Variants in HYDIN observed in about 807,000 individuals in gnomAD.
HYDIN encodes the protein axonemal central pair apparatus protein HYDIN.
A neutral mutation model predicts 403.9 loss-of-function variants in HYDIN; 132 were observed. The observed-to-expected ratio is 0.33, with a 90% CI of 0.28 to 0.38. HYDIN has a LOEUF of 0.38. Ranked by LOEUF, HYDIN falls within the 10% of genes least tolerant of loss-of-function variation. The pLI, the probability that HYDIN is intolerant of heterozygous loss-of-function variation, is 1.00. For synonymous variants in HYDIN, 1,202 were observed against 1,891.7 expected (o/e 0.64, Z 9.46); for missense variants, 2,827 against 5,009.5 (o/e 0.56, Z 13.15).
intron 41 of HYDIN, among the ~76,000 whole-genome samples, chr16:70,946,940 C>T (rs1332925508): frequency 6.6e-6 from 1 of 152,138 alleles, no homozygotes; most frequent in South Asian, 2.1e-4. Flanking sequence ...AGATTTTGGG[C>T]TGAGACAATG....
intron 1 of HYDIN, among the ~76,000 whole-genome samples, chr16:71,222,955 C>T (rs909729878): frequency 2.0e-5 from 3 of 152,106 alleles, no homozygotes; most frequent in African/African-American, 7.2e-5. Context: ...TCATTCTTCA[C>T]AGAACTACAA....
Position 70,943,220 on chromosome 16 carries a change from T to C in HYDIN, c.6669+592A>G, listed in dbSNP as rs372791980. Among the ~76,000 whole-genome samples, 6 of 152,182 alleles carry C rather than the reference T, an allele frequency of 3.9e-5. No individual in the cohort carries two copies. The South Asian group carries it at 6.2e-4, about 16-fold the overall frequency. On this transcript the variant is annotated intron_variant, in intron 42 of 85. Coordinates refer to ENST00000393567, the MANE Select transcript of HYDIN (RefSeq NM_001270974.2). ...CTTGTCTTTAACTGTAGAATTCTTATGGAAAAAAAATTAAAAATTAGAAAG... is the reference window on the plus strand; with the variant it reads ...CTTGTCTTTAACTGTAGAATTCTTACGGAAAAAAAATTAAAAATTAGAAAG...
At chr16:71,206,672 G>A (rs1291912429) in intron 1 of HYDIN, among the ~76,000 whole-genome samples, 1 of 152,224 alleles carries the variant, frequency 6.6e-6, no homozygotes, top group South Asian at 2.1e-4. Flanking sequence ...AGGAAGCTAA[G>A]AATCATAATA....
intron 41 of HYDIN, among the ~76,000 whole-genome samples, chr16:70,946,860 T>C (rs2077879902): frequency 6.6e-6 from 1 of 152,206 alleles, no homozygotes; most frequent in South Asian, 2.1e-4. Context: ...ATTCAAAAGA[T>C]CAGGATTGTG....
chr16:71,170,552 G>A (rs1392283789), intron 5 of HYDIN, among the ~76,000 whole-genome samples: 1 of 152,088 alleles, frequency 6.6e-6, no homozygotes, highest in Non-Finnish European at 1.5e-5. Flanking sequence ...AACCTTGTCT[G>A]GATCTTGATT....
intron 10 of HYDIN, among the ~76,000 whole-genome samples, chr16:71,098,302 C>T (rs1339550837): frequency 2.0e-5 from 3 of 150,920 alleles, no homozygotes; most frequent in Admixed American, 6.6e-5. Context: ...CCCAGGTTCA[C>T]GCCATTCTCC....
chr16:71,015,511 T>C (rs1439190957), intron 23 of HYDIN, among the ~76,000 whole-genome samples: 1 of 124,350 alleles, frequency 8.0e-6, no homozygotes, highest in African/African-American at 3.4e-5. Context: ...TTAGGTCGGG[T>C]TGGCTGATTT....
At chr16:70,811,011 C>G (rs1183372025) in intron 84 of HYDIN, among the ~76,000 whole-genome samples, 1 of 152,016 alleles carries the variant, frequency 6.6e-6, no homozygotes, top group Non-Finnish European at 1.5e-5. Flanking sequence ...CACACTGTTA[C>G]CAGTAGTTAT....
At chr16:71,165,728 C>T (rs2086193244) in intron 5 of HYDIN, among the ~76,000 whole-genome samples, 1 of 151,818 alleles carries the variant, frequency 6.6e-6, no homozygotes, top group African/African-American at 2.4e-5. Flanking sequence ...AGCTCTTTTA[C>T]ATGGCGTGAG....
intron 15 of HYDIN, chr16:71,066,384 T>G (rs2082266328): frequency 6.5e-6 from 1 of 154,956 alleles, no homozygotes; most frequent in Admixed American, 6.4e-5. Flanking sequence ...CGTGAAATAG[T>G]GTCAGTTACT....
chr16:71,191,708 C>T (rs1233166577), intron 1 of HYDIN, among the ~76,000 whole-genome samples: 1 of 152,110 alleles, frequency 6.6e-6, no homozygotes, highest in Non-Finnish European at 1.5e-5. Flanking sequence ...CTCTTCCTGC[C>T]ATTCTAGAGG....
chr16:71,143,698 A>C (rs974857543), intron 7 of HYDIN, among the ~76,000 whole-genome samples: 4 of 152,276 alleles, frequency 2.6e-5, no homozygotes, highest in Non-Finnish European at 4.4e-5. Context: ...GTCTGCATAG[A>C]TATTAATAGA....
intron 18 of HYDIN, among the ~76,000 whole-genome samples, chr16:71,032,495 C>T (rs7198136): frequency 0.39 from 55,901 of 141,896 alleles, 11,550 homozygotes; most frequent in Non-Finnish European, 0.47. Context: ...CAAACTTATT[C>T]TGAAATACAG....
intron 75 of HYDIN, among the ~76,000 whole-genome samples, chr16:70,847,521 C>G (rs1364849358): frequency 6.6e-6 from 1 of 151,916 alleles, no homozygotes; most frequent in Non-Finnish European, 1.5e-5. Flanking sequence ...TGAGAGTGTC[C>G]TGGTTTATCC....
At chr16:70,896,279 G>C (rs2076200929) in intron 53 of HYDIN, among the ~76,000 whole-genome samples, 199 bp from the exon 54 acceptor site, 1 of 151,670 alleles carries the variant, frequency 6.6e-6, no homozygotes, top group African/African-American at 2.4e-5. Flanking sequence ...AAGAATACAA[G>C]AATGGGGAAA....
chr16:71,189,197 T>C (rs145082897), intron 1 of HYDIN, among the ~76,000 whole-genome samples: 4 of 152,152 alleles, frequency 2.6e-5, no homozygotes, highest in African/African-American at 9.6e-5. Flanking sequence ...AGCTAAAATA[T>C]GAAACGATAC....
intron 50 of HYDIN, 122 bp downstream of exon 50, chr16:70,907,250 G>T: frequency 1.8e-6 from 1 of 556,534 alleles, no homozygotes; most frequent in Non-Finnish European, 3.2e-6. Flanking sequence ...CTGATTTGTG[G>T]TTGGGGCTAA....
intron 57 of HYDIN, among the ~76,000 whole-genome samples, chr16:70,890,439 G>A (rs2041401201): frequency 6.6e-6 from 1 of 152,050 alleles, no homozygotes; most frequent in Non-Finnish European, 1.5e-5. Flanking sequence ...GTTATAAATT[G>A]TAAAAAAATT....
At chr16:70,910,446 G>GTA (rs746365989) in intron 47 of HYDIN, among the ~76,000 whole-genome samples, 12 of 152,174 alleles carry the variant, frequency 7.9e-5, no homozygotes, top group African/African-American at 2.9e-4. Flanking sequence ...ATTCCTTTGT[G>GTA]TATATATATA....
Sources: allele counts gnomAD v4.1 joint callset (sites outside exome capture counted in the v4.1 genomes callset), GRCh38; gene constraint gnomAD v4.1.1; transcripts MANE v1.5; gene names NCBI Gene and HGNC (gene_info 2026-07-23, HGNC 2026-07-21).